EBF1: variants seen among roughly 807,000 people sequenced by gnomAD.
EBF1 encodes the protein EBF transcription factor 1.
A neutral mutation model predicts 68.4 loss-of-function variants in EBF1; 10 were observed. The observed-to-expected ratio is 0.15, with a 90% CI of 0.09 to 0.25. The LOEUF is 0.25. Among genes scored for constraint, EBF1 ranks in the 10% least tolerant of loss-of-function variants. The pLI is 1.00. For synonymous variants in EBF1, 298 were observed against 299.8 expected (o/e 0.99, Z 0.06); for missense variants, 509 against 794.4 (o/e 0.64, Z 4.32).
At chr5:158,999,445 C>G (rs1016300243) in intron 6 of EBF1, among the ~76,000 whole-genome samples, 21 of 152,202 alleles carry the variant, frequency 1.4e-4, no homozygotes, top group African/African-American at 4.8e-4. Context: ...TCTCTCTTGG[C>G]TAAGCGGGAA....
At chr5:158,900,060 T>C (rs1802970128) in intron 6 of EBF1, among the ~76,000 whole-genome samples, 1 of 152,162 alleles carries the variant, frequency 6.6e-6, no homozygotes, top group Admixed American at 6.5e-5. Context: ...GGTTCCCGGC[T>C]TGGGCTCCCT....
chr5:158,808,589 G>A (rs896977503), intron 8 of EBF1, among the ~76,000 whole-genome samples: 1 of 152,068 alleles, frequency 6.6e-6, no homozygotes, highest in African/African-American at 2.4e-5. Context: ...GAAATCCTCA[G>A]TTTCTACCAC....
chr5:158,849,873 T>C (rs1792284895), intron 6 of EBF1, among the ~76,000 whole-genome samples: 2 of 152,232 alleles, frequency 1.3e-5, no homozygotes, highest in Non-Finnish European at 2.9e-5. Context: ...CTACAAGGAA[T>C]AAATTAGGAA....
chr5:158,893,117 T>C (rs1456377100), intron 6 of EBF1, among the ~76,000 whole-genome samples: 1 of 152,238 alleles, frequency 6.6e-6, no homozygotes, highest in Non-Finnish European at 1.5e-5. Context: ...TGAACTTCTT[T>C]GAAAATCCAC....
chr5:158,906,133 A>G (rs1371007001), intron 6 of EBF1, among the ~76,000 whole-genome samples: 2 of 152,012 alleles, frequency 1.3e-5, no homozygotes, highest in Non-Finnish European at 2.9e-5. Flanking sequence ...GGATAAAGGT[A>G]GACTCAATAT....
chr5:158,751,127 G>A (rs1768793993), intron 10 of EBF1, among the ~76,000 whole-genome samples: 2 of 152,244 alleles, frequency 1.3e-5, no homozygotes, highest in South Asian at 4.1e-4. Flanking sequence ...TATTTGTTAT[G>A]TATAGAAAAA....
At chr5:158,930,197 C>G (rs1810544600) in intron 6 of EBF1, among the ~76,000 whole-genome samples, 1 of 151,136 alleles carries the variant, frequency 6.6e-6, no homozygotes, top group South Asian at 2.1e-4. Flanking sequence ...GCTGCCAATT[C>G]AAATTACTGG....
intron 6 of EBF1, among the ~76,000 whole-genome samples, chr5:159,001,555 C>A (rs898302639): frequency 3.3e-5 from 5 of 152,176 alleles, no homozygotes; most frequent in Non-Finnish European, 7.3e-5. Flanking sequence ...ATTCCCCCAC[C>A]TCACAAGGCT....
chr5:158,816,500 G>T (rs755843208), intron 8 of EBF1, among the ~76,000 whole-genome samples: 5 of 152,228 alleles, frequency 3.3e-5, no homozygotes, highest in African/African-American at 7.2e-5. Context: ...TGAAAGAAAT[G>T]ACCTTCCATC....
chr5:158,883,421 C>A (rs185250216), intron 6 of EBF1, among the ~76,000 whole-genome samples: 1 of 142,798 alleles, frequency 7.0e-6, no homozygotes, highest in Non-Finnish European at 1.5e-5. Context: ...TACATACATA[C>A]GTATATATAT....
intron 6 of EBF1, among the ~76,000 whole-genome samples, chr5:158,942,942 GA>G (rs1813767521): frequency 2.3e-5 from 1 of 43,808 alleles, no homozygotes; most frequent in African/African-American, 6.6e-5. Context: ...GAGAGAAAGA[GA>G]AAAGATAGTA....
rs1368644121 is a variant in EBF1, at chr5:158,867,455, G to A, written c.555-27345C>T. On this transcript the variant is annotated intron_variant, in intron 6 of 15. Transcript: ENST00000313708. ...GGGATACAGTGTTTCTTTAACTGGC[G>A]ACCCTTTTTTTGTTTCTTTGCCCCT... 2.0e-5 allele frequency among the ~76,000 whole-genome samples: 3 copies of A among 152,052 alleles called. No individual in the cohort carries two copies. In the East Asian group the frequency reaches 5.8e-4, roughly 29 times the overall value.
In EBF1 at chr5:158,731,110, C is replaced by A; in HGVS notation, c.1084G>T (p.Val362Phe). 1.2e-6 allele frequency: 2 copies of A among 1,614,132 alleles called. No individual in the cohort carries two copies. Among genetic ancestry groups the A allele is most frequent in the Middle Eastern group, 1.6e-4 (1 of 6,062 alleles). The change falls in exon 11 of 16, where the codon GTC becomes TTC. Residue 362 changes from valine (V) to phenylalanine (F), a missense_variant. Around this residue, in one of 3 missense-constraint regions of EBF1, gnomAD observed 230 missense variants for 467.7 expected, o/e 0.49. Coordinates refer to ENST00000313708, the MANE Select transcript of EBF1 (RefSeq NM_024007.5). The stretch of plus-strand genomic sequence containing the variant: ...GGGTCACCAGGGTGCCGAGGAATGA[C>A]CTTCTGTAACCTCTGGAAACCATAA... ...IDYGFQRLQK[V>F]IPRHPGDPER...
intron 6 of EBF1, among the ~76,000 whole-genome samples, chr5:158,940,998 C>T (rs1813232513): frequency 1.3e-5 from 2 of 152,122 alleles, no homozygotes; most frequent in South Asian, 4.1e-4. Flanking sequence ...ACAGAGCAGA[C>T]TTTAATTGAA....
intron 6 of EBF1, among the ~76,000 whole-genome samples, chr5:158,944,646 T>G (rs1008186298): frequency 1.3e-5 from 2 of 152,250 alleles, no homozygotes; most frequent in East Asian, 3.8e-4. Flanking sequence ...ATCACCACAC[T>G]ATCTTCCACA....
chr5:158,799,814 G>A (rs6881455), intron 8 of EBF1, among the ~76,000 whole-genome samples: 11,926 of 152,170 alleles, frequency 0.078, 521 homozygotes, highest in South Asian at 0.11. Context: ...GGTTTCTGGT[G>A]ATCTTTCCAA....
intron 6 of EBF1, among the ~76,000 whole-genome samples, chr5:158,912,840 T>A (rs1806306137): frequency 6.6e-6 from 1 of 152,180 alleles, no homozygotes; most frequent in Non-Finnish European, 1.5e-5. Flanking sequence ...AAAAAAAAGA[T>A]GTAGCACATG....
At chr5:158,833,601 A>G (rs964821650) in intron 7 of EBF1, among the ~76,000 whole-genome samples, 1 of 152,214 alleles carries the variant, frequency 6.6e-6, no homozygotes, top group Non-Finnish European at 1.5e-5. Context: ...TAAAAAGCAC[A>G]TGGCACCCTT....
chr5:158,762,427 C>T lies in EBF1; in HGVS notation c.1036+14986G>A, dbSNP rs562116516. 4.6e-5 allele frequency among the ~76,000 whole-genome samples: 7 copies of T among 152,304 alleles called. No homozygotes were observed. In the East Asian group the frequency reaches 7.7e-4, roughly 17 times the overall value. Reference sequence around the variant, plus strand: ...TTGGCTTTTCACCAATAATTGAGTGCCTTTTTAGGAAGGCCTGGAAACAAA... The same window carrying T: ...TTGGCTTTTCACCAATAATTGAGTGTCTTTTTAGGAAGGCCTGGAAACAAA... On this transcript the variant is annotated intron_variant, in intron 10 of 15. Coordinates refer to ENST00000313708, the MANE Select transcript of EBF1 (RefSeq NM_024007.5).
Sources: gnomAD v4.1 joint callset for allele counts (sites outside exome capture counted in the v4.1 genomes callset) on GRCh38, gnomAD v4.1.1 for gene constraint, gnomAD v4.1.1 regional missense constraint, MANE v1.5 for transcripts, NCBI Gene and HGNC (gene_info 2026-07-23, HGNC 2026-07-21) for gene names.